The following CHODL variants were observed in gnomAD, a reference collection of about 807,000 sequenced individuals.
CHODL encodes transmembrane protein MT75.
CHODL carries 29 observed loss-of-function variants against 34.5 expected under a neutral mutation model. The ratio of observed to expected loss-of-function variants is 0.84; its 90% CI spans 0.63 to 1.15. The LOEUF is 1.15. Among genes scored for constraint, CHODL ranks in the 50% most tolerant of loss-of-function variants. The pLI is 0.00. For missense variants in CHODL, 332 were observed against 332.5 expected, an observed-to-expected ratio of 1.00 and a Z score of 0.01; for synonymous variants, 125 against 116.1, an observed-to-expected ratio of 1.08 and a Z score of -0.49.
chr21:18,262,748 T>C (rs370224054), intron 4 of CHODL, 43 bp from the exon 5 acceptor site: 2 of 1,139,650 alleles, frequency 1.8e-6, no homozygotes, highest in Non-Finnish European at 2.6e-6. Context: ...TTTAGAATTC[T>C]TCCTCAACTA....
At chr21:18,106,794 C>A (rs115845698) in intron 2 of CHODL, among the ~76,000 whole-genome samples, 6,643 of 152,270 alleles carry the variant, frequency 0.044, 473 homozygotes, top group African/African-American at 0.15. Context: ...CACACCCAGC[C>A]TAGATCTTTC....
intron 2 of CHODL, among the ~76,000 whole-genome samples, chr21:18,156,791 A>G (rs2073039967): frequency 6.6e-6 from 1 of 152,170 alleles, no homozygotes; most frequent in African/African-American, 2.4e-5. Context: ...TGAAACGGAC[A>G]GTGGGCATGG....
intron 2 of CHODL, among the ~76,000 whole-genome samples, chr21:18,215,207 A>G (rs1307736743): frequency 6.6e-6 from 1 of 151,810 alleles, no homozygotes; most frequent in African/African-American, 2.4e-5. Context: ...ATGAAAAAAA[A>G]AAAAAGGTTT....
At chr21:18,151,518 G>A (rs1464153906) in intron 2 of CHODL, among the ~76,000 whole-genome samples, 3 of 152,146 alleles carry the variant, frequency 2.0e-5, no homozygotes, top group Non-Finnish European at 2.9e-5. Flanking sequence ...ACTGGTAAAT[G>A]TGTTTCCCTG....
At chr21:18,144,284 T>C (rs937720681) in intron 2 of CHODL, among the ~76,000 whole-genome samples, 1 of 152,160 alleles carries the variant, frequency 6.6e-6, no homozygotes, top group Non-Finnish European at 1.5e-5. Flanking sequence ...TTATAGAACA[T>C]TTTTTCTGTT....
intron 3 of CHODL, 36 bp downstream of exon 3, chr21:18,257,163 T>C (rs2074328355): frequency 6.4e-7 from 1 of 1,559,226 alleles, no homozygotes; most frequent in African/African-American, 1.4e-5. Context: ...GAAGATTTTG[T>C]GCATGTTTAA....
At chr21:18,012,434 G>A (rs149522565) in intron 1 of CHODL, among the ~76,000 whole-genome samples, 5 of 152,156 alleles carry the variant, frequency 3.3e-5, no homozygotes, top group South Asian at 4.2e-4. Context: ...GAGTCTGCCC[G>A]TTGCCAGCTG....
intron 2 of CHODL, among the ~76,000 whole-genome samples, chr21:18,082,092 T>C (rs2064949427): frequency 6.6e-6 from 1 of 152,188 alleles, no homozygotes; most frequent in African/African-American, 2.4e-5. Context: ...GGAAGGGCCC[T>C]GGTGGGAGAT....
At chr21:18,128,785 G>A (rs887614005) in intron 2 of CHODL, among the ~76,000 whole-genome samples, 1 of 151,862 alleles carries the variant, frequency 6.6e-6, no homozygotes, top group Admixed American at 6.6e-5. Flanking sequence ...TCTCTTATAC[G>A]TGTGTCTACT....
chr21:18,223,595 A>C (rs1213425644), intron 2 of CHODL, among the ~76,000 whole-genome samples: 1 of 152,146 alleles, frequency 6.6e-6, no homozygotes, highest in African/African-American at 2.4e-5. Flanking sequence ...TCTCAGCTTA[A>C]ACTGCAGTTA....
intron 2 of CHODL, among the ~76,000 whole-genome samples, chr21:18,110,143 C>A (rs1160887039): frequency 6.6e-6 from 1 of 152,146 alleles, no homozygotes; most frequent in African/African-American, 2.4e-5. Flanking sequence ...ACTTTACTAG[C>A]TACAAACATA....
At chr21:18,181,552 G>A (rs960704589) in intron 2 of CHODL, among the ~76,000 whole-genome samples, 8 of 152,052 alleles carry the variant, frequency 5.3e-5, no homozygotes, top group Admixed American at 2.0e-4. Flanking sequence ...ACAGGCGCCC[G>A]CCACCACGCC....
In CHODL at chr21:18,077,477, G is replaced by A. The variant is rs144528823; in HGVS notation, c.-45+49506G>A. 8.2e-3 allele frequency among the ~76,000 whole-genome samples: 1,249 copies of A among 152,262 alleles called. 14 individuals are homozygous for A. Among genetic ancestry groups the A allele is most frequent in the Middle Eastern group, 0.02 (6 of 294 alleles). On this transcript the variant is annotated intron_variant, in intron 2 of 6. Transcript: ENST00000400127. ...AGGATATAAATTTTGGGGGCCAAGGGACAGAGGGCTATGGTCCAAATGTTT... is the reference window on the plus strand; with the variant it reads ...AGGATATAAATTTTGGGGGCCAAGGAACAGAGGGCTATGGTCCAAATGTTT...
chr21:18,008,466 AACAACTCTCCATTTCCCCCTCCCCTC>A (rs1355326719), intron 1 of CHODL, among the ~76,000 whole-genome samples: 1 of 152,016 alleles, frequency 6.6e-6, no homozygotes, highest in South Asian at 2.1e-4. Context: ...ATAGCTGAAG[AACAACTCTCCATTTCCCCCTCCCCTC>A]ACAACTCTCC....
In CHODL at chr21:17,956,778, T is replaced by A. The variant is rs1364412566; in HGVS notation, c.-145+39378T>A. On this transcript the variant is annotated intron_variant, in intron 1 of 6. Transcript: ENST00000400127. Reference sequence around the variant, plus strand: ...CCCATTCATGAGAGCTGTGTCCTTATGACCTTAACCCCTCAAAGGAAAGAA... The same window carrying A: ...CCCATTCATGAGAGCTGTGTCCTTAAGACCTTAACCCCTCAAAGGAAAGAA... Among the ~76,000 whole-genome samples the A allele has an allele frequency of 2.9e-5, 4 of 136,354 alleles. 1 individual carries two copies. Among genetic ancestry groups the A allele is most frequent in the African/African-American group, 1.0e-4 (4 of 39,886 alleles). 89.5% of individuals were successfully genotyped at this position (136,354 alleles called of 152,430 possible).
At chr21:17,950,014 G>T (rs1568813031) in intron 1 of CHODL, among the ~76,000 whole-genome samples, 2 of 152,000 alleles carry the variant, frequency 1.3e-5, no homozygotes, top group Admixed American at 6.6e-5. Flanking sequence ...CAAAACAAAA[G>T]AATAGATTTT....
intron 1 of CHODL, among the ~76,000 whole-genome samples, chr21:18,004,982 T>G (rs1275103993): frequency 2.0e-5 from 3 of 152,376 alleles, no homozygotes; most frequent in African/African-American, 7.2e-5. Context: ...TGCCAAATAC[T>G]ATGCTGAATG....
intron 2 of CHODL, among the ~76,000 whole-genome samples, chr21:18,073,481 C>G (rs1224473968): frequency 6.6e-6 from 1 of 152,074 alleles, no homozygotes; most frequent in East Asian, 1.9e-4. Context: ...CCTTTTTATA[C>G]TTCTAATGAT....
At chr21:17,963,172 A>T (rs1366486870) in intron 1 of CHODL, among the ~76,000 whole-genome samples, 1 of 152,138 alleles carries the variant, frequency 6.6e-6, no homozygotes, top group East Asian at 1.9e-4. Context: ...TCATTCTCTT[A>T]TTCCATTTGG....
Sources: allele counts gnomAD v4.1 joint callset (sites outside exome capture counted in the v4.1 genomes callset), GRCh38; gene constraint gnomAD v4.1.1; transcripts MANE v1.5; gene names NCBI Gene and HGNC (gene_info 2026-07-23, HGNC 2026-07-21).